RALGAPA2: variants seen among roughly 807,000 people sequenced by gnomAD.
The protein encoded by RALGAPA2 is ral GTPase-activating protein subunit alpha-2.
Under a neutral mutation model 230.4 loss-of-function variants are expected in RALGAPA2, and 139 were observed. That is an observed-to-expected ratio of 0.60 (90% CI 0.53 to 0.69). RALGAPA2 has a LOEUF of 0.69. Ranked by LOEUF, RALGAPA2 falls within the 30% of genes least tolerant of loss-of-function variation. The pLI, the probability that RALGAPA2 is intolerant of heterozygous loss-of-function variation, is 0.00. For synonymous variants in RALGAPA2, 847 were observed against 837.8 expected (o/e 1.01, Z -0.19); for missense variants, 2,163 against 2,276.0 (o/e 0.95, Z 1.01).
At chr20:20,514,550 C>T (rs1569456529) in intron 31 of RALGAPA2, among the ~76,000 whole-genome samples, 1 of 152,148 alleles carries the variant, frequency 6.6e-6, no homozygotes, top group African/African-American at 2.4e-5. Context: ...CCTGAGCTGC[C>T]CCACCCTTCC....
In RALGAPA2 at chr20:20,412,102, G is replaced by A. The variant is rs199622774; in HGVS notation, c.5542C>T (p.Arg1848Cys). 4.4e-5 allele frequency: 71 copies of A among 1,613,920 alleles called. No homozygotes were observed. In the Middle Eastern group the frequency reaches 1.8e-3, roughly 41 times the overall value. ...AAATCCTCGAATGTCATTACTTCGCGGTGGTTCTGAATTATTGCTTCGAGA... is the reference window on the plus strand; with the variant it reads ...AAATCCTCGAATGTCATTACTTCGCAGTGGTTCTGAATTATTGCTTCGAGA... ...LYLEAIIQNH[R>C]EVMTFEDFAA... Residue 1848 changes from arginine (R) to cysteine (C), a missense_variant, in exon 38 of 40, where the codon CGC becomes TGC. Transcript: ENST00000202677.
chr20:20,652,193 G>C (rs1158361358), intron 4 of RALGAPA2, among the ~76,000 whole-genome samples: 1 of 151,914 alleles, frequency 6.6e-6, no homozygotes, highest in African/African-American at 2.4e-5. Context: ...AATCCTAAAT[G>C]AAATTTAGGA....
At chr20:20,463,951 T>C (rs777927651) in intron 37 of RALGAPA2, among the ~76,000 whole-genome samples, 1 of 152,178 alleles carries the variant, frequency 6.6e-6, no homozygotes, top group Admixed American at 6.5e-5. Context: ...ACAGTGGAAT[T>C]TGTGTCATCA....
chr20:20,526,257 C>A lies in RALGAPA2; in HGVS notation c.3688G>T (p.Ala1230Ser). The change falls in exon 28 of 40, where the codon GCA becomes TCA. Residue 1230 changes from alanine (A) to serine (S), a missense_variant. Transcript: ENST00000202677. ...MFETSLPRKMAEILVATVAFL... is the reference protein window; with the variant it reads ...MFETSLPRKMSEILVATVAFL... ...TTACAGAAAAAAAGACTTACTTCTG[C>A]CATTTTCCGAGGCAGAGAGGTTTCA... 1 of 1,584,644 alleles carries A rather than the reference C, an allele frequency of 6.3e-7. No individual in the cohort carries two copies. Among genetic ancestry groups the A allele is most frequent in the Non-Finnish European group, 8.6e-7 (1 of 1,157,878 alleles).
At chr20:20,629,642 A>C (rs2066607712) in intron 9 of RALGAPA2, 52 bp from the exon 10 acceptor site, 13 of 1,564,464 alleles carry the variant, frequency 8.3e-6, no homozygotes, top group Non-Finnish European at 1.1e-5. Flanking sequence ...ACTCAAGAAC[A>C]CCTGGCAAAA....
intron 23 of RALGAPA2, among the ~76,000 whole-genome samples, chr20:20,549,796 T>G (rs1433589014): frequency 6.6e-6 from 1 of 152,166 alleles, no homozygotes; most frequent in East Asian, 1.9e-4. Context: ...AAGACACAGC[T>G]ATAACAGAAG....
At chr20:20,443,211 A>G (rs2060778558) in intron 37 of RALGAPA2, among the ~76,000 whole-genome samples, 1 of 152,242 alleles carries the variant, frequency 6.6e-6, no homozygotes, top group Non-Finnish European at 1.5e-5. Flanking sequence ...TAATACCAGA[A>G]GGATCTGTAA....
chr20:20,521,186 G>C, intron 30 of RALGAPA2, 86 bp from the exon 31 acceptor site: 1 of 1,154,360 alleles, frequency 8.7e-7, no homozygotes, highest in East Asian at 2.6e-5. Context: ...GCACTTGGCA[G>C]CTAGGACTCC....
At chr20:20,604,011 C>T (rs1227252236) in intron 15 of RALGAPA2, among the ~76,000 whole-genome samples, 3 of 152,196 alleles carry the variant, frequency 2.0e-5, no homozygotes, top group African/African-American at 4.8e-5. Flanking sequence ...ACCCTATGTG[C>T]TCTGTGATTC....
At chr20:20,569,479 G>A (rs1602854765) in intron 23 of RALGAPA2, among the ~76,000 whole-genome samples, 1 of 152,028 alleles carries the variant, frequency 6.6e-6, no homozygotes, top group Admixed American at 6.5e-5. Flanking sequence ...TGTTAGCATT[G>A]GACCATCTTT....
intron 1 of RALGAPA2, among the ~76,000 whole-genome samples, chr20:20,707,291 G>C (rs148078195): frequency 6.6e-6 from 1 of 152,126 alleles, no homozygotes; most frequent in African/African-American, 2.4e-5. Flanking sequence ...ACAAGTCATC[G>C]AATGTTCAAA....
chr20:20,436,426 C>T (rs946556368), intron 37 of RALGAPA2, among the ~76,000 whole-genome samples: 4 of 152,140 alleles, frequency 2.6e-5, no homozygotes, highest in African/African-American at 9.7e-5. Context: ...TGCTCAAACA[C>T]GTTACTTATC....
At chr20:20,654,990 G>C (rs1000091645) in intron 3 of RALGAPA2, among the ~76,000 whole-genome samples, 1 of 152,082 alleles carries the variant, frequency 6.6e-6, no homozygotes, top group Non-Finnish European at 1.5e-5. Context: ...TTTTCCTGAT[G>C]ATTAGTGATG....
intron 1 of RALGAPA2, among the ~76,000 whole-genome samples, chr20:20,687,070 T>G (rs1212785707): frequency 6.6e-6 from 1 of 151,968 alleles, no homozygotes; most frequent in Non-Finnish European, 1.5e-5. Flanking sequence ...TAGGTGTCCT[T>G]TACTATTTTA....
At chr20:20,411,894 G>C (rs2060067806) in intron 38 of RALGAPA2, 133 bp downstream of exon 38, 2 of 1,184,980 alleles carry the variant, frequency 1.7e-6, no homozygotes, top group Non-Finnish European at 2.4e-6. Context: ...CATTCCTTTT[G>C]ATATTCATTA....
chr20:20,549,792 C>T lies in RALGAPA2; in HGVS notation c.3157-2960G>A, dbSNP rs1025338303. Among the ~76,000 whole-genome samples, 5 of 152,134 alleles carry T rather than the reference C, an allele frequency of 3.3e-5. No individual in the cohort carries two copies. In the South Asian group the frequency reaches 1.0e-3, roughly 32 times the overall value. On this transcript the variant is annotated intron_variant, in intron 23 of 39. Coordinates refer to ENST00000202677, the MANE Select transcript of RALGAPA2 (RefSeq NM_020343.4). ...ACCATCCCCACCATACATTAAGACACAGCTATAACAGAAGTCTTTGAAAAA... is the reference window on the plus strand; with the variant it reads ...ACCATCCCCACCATACATTAAGACATAGCTATAACAGAAGTCTTTGAAAAA...
intron 1 of RALGAPA2, among the ~76,000 whole-genome samples, chr20:20,692,856 G>A (rs1603249166): frequency 6.6e-6 from 1 of 152,146 alleles, no homozygotes; most frequent in Non-Finnish European, 1.5e-5. Context: ...AGCCAACTCT[G>A]GGGCCTCCCT....
In RALGAPA2 at chr20:20,403,677, C is replaced by T. The variant is rs146974297; in HGVS notation, c.5618-6943G>A. ...GAGGCTGTGGTGCTAACTGGAGTTG[C>T]GCTGTTTCTCCAGCTGCTTCTCTGC... On this transcript the variant is annotated intron_variant, in intron 38 of 39. Transcript: ENST00000202677. Among the ~76,000 whole-genome samples, 14 of 152,268 alleles carry T rather than the reference C, an allele frequency of 9.2e-5. No homozygotes were observed. The East Asian group carries it at 2.1e-3, about 23-fold the overall frequency.
chr20:20,518,268 G>C (rs2062934557), intron 31 of RALGAPA2, among the ~76,000 whole-genome samples: 1 of 152,134 alleles, frequency 6.6e-6, no homozygotes, highest in South Asian at 2.1e-4. Context: ...TGTTAGCCAG[G>C]ATGGTCTGGA....
Sources: allele counts gnomAD v4.1 joint callset (sites outside exome capture counted in the v4.1 genomes callset), GRCh38; gene constraint gnomAD v4.1.1; transcripts MANE v1.5; gene names NCBI Gene and HGNC (gene_info 2026-07-23, HGNC 2026-07-21).